Variants in CHST4 observed in about 807,000 individuals in gnomAD.
CHST4 encodes carbohydrate sulfotransferase 4.
For missense variants in CHST4, 466 were observed against 506.0 expected (o/e 0.92, Z 0.76); for synonymous variants, 171 against 195.5 (o/e 0.87, Z 1.05).
chr16:71,533,035 A>ATT (rs199535179), intron 1 of CHST4, among the ~76,000 whole-genome samples: 1 of 150,976 alleles, frequency 6.6e-6, no homozygotes, highest in African/African-American at 2.4e-5. Context: ...TTTTTTTTTG[A>ATT]TTTTTTTTTG....
Position 71,536,656 on chromosome 16 carries a change from A to G in CHST4, c.-18-4A>G. ...ACTCCACCCTTTCTGTTTGTTCCTT[A>G]AAGGTCTTCCACTTCAGCACAATGC... On this transcript the variant is annotated splice_region_variant and splice_polypyrimidine_tract_variant and intron_variant, in intron 1 of 1. Coordinates refer to ENST00000539698, the MANE Select transcript of CHST4 (RefSeq NM_001166395.2). 2 of 1,422,238 alleles carry G rather than the reference A, an allele frequency of 1.4e-6. No homozygotes were observed. Among genetic ancestry groups the G allele is most frequent in the Non-Finnish European group, 1.8e-6 (2 of 1,088,050 alleles). 88.1% of individuals were successfully genotyped at this position (1,422,238 alleles called of 1,614,324 possible).
intron 1 of CHST4, among the ~76,000 whole-genome samples, chr16:71,529,583 G>GTTTTTTTT (rs2043933094): frequency 1.2e-5 from 1 of 84,142 alleles, no homozygotes; most frequent in African/African-American, 5.0e-5. Flanking sequence ...TTGAGACCAA[G>GTTTTTTTT]TTTCGCTCTG....
intron 1 of CHST4, among the ~76,000 whole-genome samples, chr16:71,529,543 A>ATTTTTTTTTTTTTTTT (rs1157747412): frequency 1.2e-4 from 5 of 41,360 alleles, no homozygotes; most frequent in Non-Finnish European, 1.7e-4. Context: ...ATGCTCATCT[A>ATTTTTTTTTTTTTTTT]TTTTTTTTTT....
intron 1 of CHST4, among the ~76,000 whole-genome samples, chr16:71,530,385 G>A (rs144847629): frequency 2.0e-3 from 312 of 152,334 alleles, no homozygotes; most frequent in Non-Finnish European, 3.2e-3. Flanking sequence ...CCCCAGGTGC[G>A]AGGTGTGGGG....
At chr16:71,527,809 T>C (rs1003987928) in intron 1 of CHST4, among the ~76,000 whole-genome samples, 1 of 151,452 alleles carries the variant, frequency 6.6e-6, no homozygotes, top group African/African-American at 2.4e-5. Context: ...AGTGGTGCGA[T>C]CTCGGCTCAC....
chr16:71,537,113 A>G lies in CHST4; in HGVS notation c.436A>G (p.Ile146Val), dbSNP rs770946696. ...PACDIIPQDE[I>V]IPRAHCRLLC... ...CTGTGACATCATCCCACAAGATGAA[A>G]TCATCCCCCGGGCTCACTGCAGGCT... The change falls in exon 2 of 2, where the codon ATC becomes GTC. Residue 146 changes from isoleucine to valine, a missense_variant. Physicochemically the swap from Ile to Val is conservative, Grantham distance 29. Transcript: ENST00000539698. This position sits in a 1 kb window ranked among gnomAD's most constrained non-coding sequence, Gnocchi z 4.2. 1.2e-6 allele frequency: 2 copies of G among 1,614,134 alleles called. No individual in the cohort carries two copies. The highest frequency in any genetic ancestry group is 1.7e-6 in the Non-Finnish European group (2 of 1,180,022).
At position 71,536,807 on chromosome 16, in the gene CHST4, C is replaced by T; in HGVS notation, c.130C>T (p.His44Tyr). 6.5e-7 allele frequency: 1 copy of T among 1,531,574 alleles called. No individual in the cohort carries two copies. Among genetic ancestry groups the T allele is most frequent in the Non-Finnish European group, 8.8e-7 (1 of 1,140,094 alleles). The allele number at this position is 1,531,574 out of a possible 1,614,324, so 94.9% of individuals were successfully genotyped here. ...LSMKAQPERMHVLVLSSWRSG... is the reference protein window; with the variant it reads ...LSMKAQPERMYVLVLSSWRSG... ...TATGAAGGCACAGCCCGAGCGCATG[C>T]ACGTGCTGGTTCTGTCTTCCTGGCG... Residue 44 changes from histidine to tyrosine, a missense_variant, in exon 2 of 2, where the codon CAC becomes TAC. By Grantham distance (83) the His-to-Tyr change is moderately conservative. Transcript: ENST00000539698.
chr16:71,529,018 G>A (rs186557654), intron 1 of CHST4, among the ~76,000 whole-genome samples: 1 of 151,794 alleles, frequency 6.6e-6, no homozygotes, highest in East Asian at 1.9e-4. Context: ...TTCACCCATC[G>A]TTGGGGCAAC....
intron 1 of CHST4, among the ~76,000 whole-genome samples, chr16:71,529,719 T>C (rs1440943058): frequency 1.3e-5 from 2 of 152,018 alleles, no homozygotes; most frequent in Non-Finnish European, 2.9e-5. Context: ...TTTGTAGAAT[T>C]GTTATGTACG....
At chr16:71,534,261 T>C (rs1167409406) in intron 1 of CHST4, among the ~76,000 whole-genome samples, 1 of 151,664 alleles carries the variant, frequency 6.6e-6, no homozygotes, top group Admixed American at 6.6e-5. Context: ...CGGTGGCTCA[T>C]GCCTGTAATC....
chr16:71,530,427 T>C (rs2043939457), intron 1 of CHST4, among the ~76,000 whole-genome samples: 1 of 151,954 alleles, frequency 6.6e-6, no homozygotes, highest in African/African-American at 2.4e-5. Flanking sequence ...CACTGGAAAT[T>C]TATTGAAGGA....
At chr16:71,533,943 G>A (rs2043967604) in intron 1 of CHST4, among the ~76,000 whole-genome samples, 1 of 151,900 alleles carries the variant, frequency 6.6e-6, no homozygotes, top group Admixed American at 6.6e-5. Flanking sequence ...TCAGGAGGCT[G>A]AGGCAGGGGA....
chr16:71,529,574 TG>T (rs2043932931), intron 1 of CHST4, among the ~76,000 whole-genome samples: 10 of 133,154 alleles, frequency 7.5e-5, no homozygotes, highest in Admixed American at 2.2e-4. Flanking sequence ...TTTTTTTTTT[TG>T]AGACCAAGTT....
chr16:71,532,151 C>A (rs910048418), intron 1 of CHST4, among the ~76,000 whole-genome samples: 1 of 151,634 alleles, frequency 6.6e-6, no homozygotes, highest in Non-Finnish European at 1.5e-5. Flanking sequence ...GGGTTCACGC[C>A]GTTCTCCTGC....
chr16:71,534,348 C>CTTTTTTT (rs548597955), intron 1 of CHST4, among the ~76,000 whole-genome samples: 12 of 123,406 alleles, frequency 9.7e-5, no homozygotes, highest in African/African-American at 1.5e-4. Flanking sequence ...ACATTTCTTT[C>CTTTTTTT]TTTTTTTTTT....
chr16:71,536,768 A>G lies in CHST4; in HGVS notation c.91A>G (p.Ile31Val), dbSNP rs1164522420. Residue 31 changes from isoleucine to valine, a missense_variant, in exon 2 of 2, where the codon ATC becomes GTC. Physicochemically the swap from Ile to Val is conservative, Grantham distance 29. Coordinates refer to ENST00000539698, the MANE Select transcript of CHST4 (RefSeq NM_001166395.2). ...ATTCTTCCACATGTACAGCCACAACATCAGCTCCCTGTCTATGAAGGCACA... is the reference window on the plus strand; with the variant it reads ...ATTCTTCCACATGTACAGCCACAACGTCAGCTCCCTGTCTATGAAGGCACA... ...ALFFHMYSHN[I>V]SSLSMKAQPE... 6.6e-7 allele frequency: 1 copy of G among 1,513,680 alleles called. No homozygotes were observed. Among genetic ancestry groups the G allele is most frequent in the Non-Finnish European group, 8.8e-7 (1 of 1,131,830 alleles). The allele number at this position is 1,513,680 out of a possible 1,614,324, so 93.8% of individuals were successfully genotyped here. A position where few individuals can be genotyped will look rare whatever the true frequency, so the allele number is the denominator to read the frequency against.
In CHST4 at chr16:71,537,135, G is replaced by A; in HGVS notation, c.458G>A (p.Arg153Lys). The change falls in exon 2 of 2, where the codon AGG becomes AAG. Residue 153 changes from arginine to lysine, a missense_variant. By Grantham distance (26) the Arg-to-Lys change is conservative. Coordinates refer to ENST00000539698, the MANE Select transcript of CHST4 (RefSeq NM_001166395.2). The surrounding 1 kb of genome is among the most constrained non-coding windows in gnomAD (Gnocchi z 4.2). ...GAAATCATCCCCCGGGCTCACTGCA[G>A]GCTCCTGTGCAGTCAACAGCCCTTT... ...QDEIIPRAHC[R>K]LLCSQQPFEV... 6.2e-7 allele frequency: 1 copy of A among 1,614,144 alleles called. No individual in the cohort carries two copies. The highest frequency in any genetic ancestry group is 8.5e-7 in the Non-Finnish European group (1 of 1,180,026).
intron 1 of CHST4, among the ~76,000 whole-genome samples, chr16:71,529,555 T>TTC (rs2043932777): frequency 7.4e-6 from 1 of 135,054 alleles, no homozygotes; most frequent in Non-Finnish European, 1.6e-5. Flanking sequence ...TTTTTTTTTT[T>TTC]TTTTTTTTTT....
intron 1 of CHST4, among the ~76,000 whole-genome samples, chr16:71,533,571 G>C (rs1023446195): frequency 2.6e-5 from 4 of 152,154 alleles, no homozygotes; most frequent in African/African-American, 9.7e-5. Context: ...GCAGCTGTCA[G>C]TACGTAAAAA....
Sources: allele counts gnomAD v4.1 joint callset (sites outside exome capture counted in the v4.1 genomes callset), GRCh38; gene constraint gnomAD v4.1.1; non-coding constraint Gnocchi (gnomAD v3.1); transcripts MANE v1.5; gene names NCBI Gene and HGNC (gene_info 2026-07-23, HGNC 2026-07-21).